Variants in DAP observed in about 807,000 individuals in gnomAD.
DAP encodes the protein death-associated protein 1.
A neutral mutation model predicts 13.8 loss-of-function variants in DAP; 8 were observed. The ratio of observed to expected loss-of-function variants is 0.58; its 90% CI spans 0.34 to 1.05. The LOEUF is 1.05. Among genes scored for constraint, DAP ranks in the 50% least tolerant of loss-of-function variants. The pLI, the probability that DAP is intolerant of heterozygous loss-of-function variation, is 0.03. For missense variants in DAP, 106 were observed against 133.2 expected, an observed-to-expected ratio of 0.80 and a Z score of 1.01; for synonymous variants, 47 against 47.5, an observed-to-expected ratio of 0.99 and a Z score of 0.04.
intron 1 of DAP, among the ~76,000 whole-genome samples, chr5:10,755,869 T>C (rs1028891173): frequency 4.6e-5 from 7 of 152,132 alleles, no homozygotes; most frequent in Non-Finnish European, 7.4e-5. Flanking sequence ...TAGGGAAGGC[T>C]GGGTGCGGTG....
intron 2 of DAP, among the ~76,000 whole-genome samples, chr5:10,719,198 G>A (rs1213391524): frequency 6.6e-6 from 1 of 152,220 alleles, no homozygotes; most frequent in Non-Finnish European, 1.5e-5. Context: ...GGGCCTATTT[G>A]GATTTTGGAG....
intron 2 of DAP, among the ~76,000 whole-genome samples, chr5:10,685,116 C>T (rs936789364): frequency 1.7e-5 from 2 of 115,352 alleles, no homozygotes; most frequent in Admixed American, 1.8e-4. Flanking sequence ...TGTTTACTTC[C>T]CCAAAGAGTT....
chr5:10,703,346 G>T (rs530938240), intron 2 of DAP, among the ~76,000 whole-genome samples: 1 of 152,342 alleles, frequency 6.6e-6, no homozygotes, highest in East Asian at 1.9e-4. Context: ...AGTTGGGGCT[G>T]AGAGCTGGGC....
At chr5:10,692,464 G>C (rs745990859) in intron 2 of DAP, among the ~76,000 whole-genome samples, 3 of 152,174 alleles carry the variant, frequency 2.0e-5, no homozygotes, top group Non-Finnish European at 4.4e-5. Flanking sequence ...TGTCTCCCAG[G>C]TGGGCCGGAT....
intron 2 of DAP, 50 bp downstream of exon 2, chr5:10,748,125 C>T (rs769529066): frequency 1.1e-5 from 14 of 1,294,406 alleles, no homozygotes; most frequent in Middle Eastern, 1.8e-4. Context: ...AATGCTTAAC[C>T]GAATAGGGTT....
At chr5:10,701,594 AG>A (rs932927105) in intron 2 of DAP, among the ~76,000 whole-genome samples, 2 of 5,670 alleles carry the variant, frequency 3.5e-4, no homozygotes, top group Non-Finnish European at 6.9e-4. Flanking sequence ...AAAAAGGTTG[AG>A]GGGGACGGGG....
intron 2 of DAP, among the ~76,000 whole-genome samples, chr5:10,712,038 T>C (rs1024881291): frequency 6.6e-6 from 1 of 152,150 alleles, no homozygotes; most frequent in African/African-American, 2.4e-5. Flanking sequence ...TGACTCTACT[T>C]GGGGACAGGG....
intron 2 of DAP, among the ~76,000 whole-genome samples, chr5:10,731,671 G>A (rs955188097): frequency 3.3e-5 from 5 of 152,198 alleles, no homozygotes; most frequent in Non-Finnish European, 5.9e-5. Context: ...ACATATCTAA[G>A]GCAATCTTAG....
At chr5:10,755,058 T>C (rs1378357527) in intron 1 of DAP, among the ~76,000 whole-genome samples, 1 of 152,206 alleles carries the variant, frequency 6.6e-6, no homozygotes, top group Non-Finnish European at 1.5e-5. Context: ...AATCATAGAC[T>C]GAAGGTGAGG....
chr5:10,693,784 G>A (rs2918398), intron 2 of DAP, among the ~76,000 whole-genome samples: 62,908 of 152,022 alleles, frequency 0.41, 13,781 homozygotes, highest in Middle Eastern at 0.61. Context: ...GTAACCTGAG[G>A]GTCCTTTATT....
intron 2 of DAP, among the ~76,000 whole-genome samples, chr5:10,693,004 A>G (rs1738340204): frequency 6.6e-6 from 1 of 152,170 alleles, no homozygotes; most frequent in South Asian, 2.1e-4. Context: ...TCTGTGCAAC[A>G]GGGAGGGTCC....
chr5:10,696,138 AC>A (rs1410795136), intron 2 of DAP, among the ~76,000 whole-genome samples: 1 of 151,768 alleles, frequency 6.6e-6, no homozygotes. Context: ...TCCCTATTGT[AC>A]CCCTTTCCCT....
At chr5:10,697,906 G>A (rs2126643203) in intron 2 of DAP, among the ~76,000 whole-genome samples, 2 of 152,204 alleles carry the variant, frequency 1.3e-5, no homozygotes, top group East Asian at 3.9e-4. Flanking sequence ...TTGCACTGAG[G>A]ATACTTTCCA....
At chr5:10,746,215 C>T (rs956302506) in intron 2 of DAP, among the ~76,000 whole-genome samples, 2 of 152,104 alleles carry the variant, frequency 1.3e-5, no homozygotes, top group African/African-American at 2.4e-5. Context: ...TACGTCGGGC[C>T]GCAAGTCCTA....
intron 2 of DAP, among the ~76,000 whole-genome samples, chr5:10,691,006 G>A (rs5745264): frequency 0.48 from 73,295 of 152,122 alleles, 19,300 homozygotes; most frequent in East Asian, 0.74. Flanking sequence ...ATGGGTGTGA[G>A]GAAGTATCGT....
In DAP at chr5:10,748,171, C is replaced by T; in HGVS notation, c.152+4G>A. ...ATGCTCAAGAGTCGCTAGCATCATCCCACCTGGGGCTTTCCCATTCCTGGT... is the reference window on the plus strand; with the variant it reads ...ATGCTCAAGAGTCGCTAGCATCATCTCACCTGGGGCTTTCCCATTCCTGGT... On this transcript the variant is annotated splice_donor_region_variant and intron_variant, in intron 2 of 3. Coordinates refer to ENST00000230895, the MANE Select transcript of DAP (RefSeq NM_004394.3). 1 of 1,604,322 alleles carries T rather than the reference C, an allele frequency of 6.2e-7. No individual in the cohort carries two copies. The highest frequency in any genetic ancestry group is 8.5e-7 in the Non-Finnish European group (1 of 1,171,118).
chr5:10,688,165 C>A (rs1738203655), intron 2 of DAP, among the ~76,000 whole-genome samples: 1 of 152,084 alleles, frequency 6.6e-6, no homozygotes, highest in African/African-American at 2.4e-5. Flanking sequence ...ATCTACCCAC[C>A]TTGACCTCCG....
At chr5:10,728,524 AC>A (rs2126664458) in intron 2 of DAP, among the ~76,000 whole-genome samples, 1 of 152,356 alleles carries the variant, frequency 6.6e-6, no homozygotes, top group South Asian at 2.1e-4. Flanking sequence ...GGATGTATGG[AC>A]AAGTCAATTC....
chr5:10,740,764 G>A (rs1003295648), intron 2 of DAP, among the ~76,000 whole-genome samples: 4 of 152,160 alleles, frequency 2.6e-5, no homozygotes, highest in Non-Finnish European at 5.9e-5. Flanking sequence ...ATCTCCAGCA[G>A]ACATTTACTA....
Sources: allele counts gnomAD v4.1 joint callset (sites outside exome capture counted in the v4.1 genomes callset), GRCh38; gene constraint gnomAD v4.1.1; transcripts MANE v1.5; gene names NCBI Gene and HGNC (gene_info 2026-07-23, HGNC 2026-07-21).